SLX4IP: variants seen among roughly 807,000 people sequenced by gnomAD.
SLX4IP encodes the protein SLX4 interacting protein.
A neutral mutation model predicts 32.9 loss-of-function variants in SLX4IP; 34 were observed. That is an observed-to-expected ratio of 1.03 (90% CI 0.79 to 1.38). The LOEUF (loss-of-function observed/expected upper bound fraction) is 1.38, where lower values mean the gene tolerates loss of function less well. Ranked by LOEUF, SLX4IP falls within the 40% of genes most tolerant of loss-of-function variation. The pLI is 0.00. For missense variants in SLX4IP, 444 were observed against 479.0 expected (o/e 0.93, Z 0.68); for synonymous variants, 172 against 171.7 (o/e 1.00, Z -0.01).
intron 6 of SLX4IP, among the ~76,000 whole-genome samples, chr20:10,616,906 C>T (rs1409956059): frequency 2.6e-5 from 4 of 152,196 alleles, no homozygotes; most frequent in Non-Finnish European, 5.9e-5. Context: ...CCTCAAGGGC[C>T]TCAAGCATTG....
intron 1 of SLX4IP, among the ~76,000 whole-genome samples, chr20:10,453,307 C>CGTGTGT (rs1555805264): frequency 7.0e-5 from 10 of 142,886 alleles, no homozygotes; most frequent in African/African-American, 2.4e-4. Context: ...AAAACTCATC[C>CGTGTGT]GTGTGTGTGT....
At chr20:10,527,299 T>C (rs1465034815) in intron 2 of SLX4IP, among the ~76,000 whole-genome samples, 1 of 152,072 alleles carries the variant, frequency 6.6e-6, no homozygotes, top group Non-Finnish European at 1.5e-5. Context: ...GCCATAGAAA[T>C]AAGGAGTTAA....
intron 1 of SLX4IP, among the ~76,000 whole-genome samples, chr20:10,442,873 A>G (rs1212524810): frequency 6.6e-6 from 1 of 152,236 alleles, no homozygotes; most frequent in East Asian, 1.9e-4. Context: ...TTAAAACTTA[A>G]TTAAGATAGA....
intron 6 of SLX4IP, among the ~76,000 whole-genome samples, chr20:10,608,021 A>T (rs1464547058): frequency 6.6e-6 from 1 of 152,240 alleles, no homozygotes; most frequent in East Asian, 1.9e-4. Flanking sequence ...GGATCATTAG[A>T]TAGGATAAGT....
chr20:10,550,520 A>T (rs529025461), intron 2 of SLX4IP, among the ~76,000 whole-genome samples: 9 of 151,274 alleles, frequency 5.9e-5, no homozygotes, highest in African/African-American at 2.2e-4. Flanking sequence ...ACCTTGCTTG[A>T]TCTCTTATTT....
At chr20:10,607,175 G>A (rs1174119849) in intron 6 of SLX4IP, among the ~76,000 whole-genome samples, 2 of 152,194 alleles carry the variant, frequency 1.3e-5, no homozygotes, top group African/African-American at 4.8e-5. Flanking sequence ...CAGCCGAGCT[G>A]TGTCTGCCTC....
intron 2 of SLX4IP, among the ~76,000 whole-genome samples, chr20:10,465,865 T>C (rs77493207): frequency 0.015 from 2,223 of 152,332 alleles, 48 homozygotes; most frequent in African/African-American, 0.049. Flanking sequence ...AAATGTTCAG[T>C]AGGCACCACT....
At chr20:10,477,398 C>A (rs2065484850) in intron 2 of SLX4IP, among the ~76,000 whole-genome samples, 1 of 152,098 alleles carries the variant, frequency 6.6e-6, no homozygotes, top group South Asian at 2.1e-4. Flanking sequence ...CTCACGTTGG[C>A]CTCCCAAAGT....
chr20:10,495,436 A>G (rs2065658710), intron 2 of SLX4IP, among the ~76,000 whole-genome samples: 1 of 152,178 alleles, frequency 6.6e-6, no homozygotes, highest in Non-Finnish European at 1.5e-5. Context: ...GGGGTTTTGT[A>G]AATGTTTAAA....
chr20:10,513,229 C>A (rs1382747752), intron 2 of SLX4IP, among the ~76,000 whole-genome samples: 1 of 151,956 alleles, frequency 6.6e-6, no homozygotes, highest in Non-Finnish European at 1.5e-5. Flanking sequence ...AGCTGCTAAC[C>A]CCAGGAGTTA....
At chr20:10,531,466 T>C (rs567080783) in intron 2 of SLX4IP, among the ~76,000 whole-genome samples, 3 of 152,224 alleles carry the variant, frequency 2.0e-5, no homozygotes, top group Non-Finnish European at 4.4e-5. Context: ...TGTTTCTCTT[T>C]GCTGTTTTTA....
chr20:10,544,511 G>T (rs965477205), intron 2 of SLX4IP, among the ~76,000 whole-genome samples: 17 of 152,214 alleles, frequency 1.1e-4, no homozygotes, highest in African/African-American at 4.1e-4. Flanking sequence ...TCAGCCTCCT[G>T]AGTAGCTGGG....
chr20:10,560,207 A>G (rs2066316334), intron 3 of SLX4IP, among the ~76,000 whole-genome samples: 1 of 152,172 alleles, frequency 6.6e-6, no homozygotes, highest in African/African-American at 2.4e-5. Context: ...ATGCCGTTGC[A>G]CCAGCAGTGG....
chr20:10,473,350 C>T (rs1447283904), intron 2 of SLX4IP, among the ~76,000 whole-genome samples: 1 of 152,174 alleles, frequency 6.6e-6, no homozygotes, highest in Admixed American at 6.5e-5. Flanking sequence ...TTCCCTGGAC[C>T]AGCAGCATTA....
chr20:10,439,832 T>A (rs1238946361), intron 1 of SLX4IP, among the ~76,000 whole-genome samples: 1 of 152,210 alleles, frequency 6.6e-6, no homozygotes, highest in Non-Finnish European at 1.5e-5. Context: ...AAAGTAGAGA[T>A]CTATAAAGCC....
intron 2 of SLX4IP, among the ~76,000 whole-genome samples, chr20:10,464,015 A>G (rs570033944): frequency 1.1e-4 from 16 of 152,322 alleles, no homozygotes; most frequent in Admixed American, 9.8e-4. Context: ...TTTTCCACAT[A>G]AAGTATATAA....
At chr20:10,459,408 T>C (rs1192500744) in intron 2 of SLX4IP, among the ~76,000 whole-genome samples, 1 of 152,192 alleles carries the variant, frequency 6.6e-6, no homozygotes, top group Non-Finnish European at 1.5e-5. Flanking sequence ...TGCAATTGCT[T>C]TTGGTGTTTT....
intron 2 of SLX4IP, among the ~76,000 whole-genome samples, chr20:10,530,490 C>T (rs549363311): frequency 7.2e-5 from 11 of 152,200 alleles, no homozygotes; most frequent in African/African-American, 2.4e-4. Context: ...AACGATGTCC[C>T]GATTTGTTAG....
chr20:10,445,452 A>G (rs1021844394), intron 1 of SLX4IP, among the ~76,000 whole-genome samples: 3 of 149,698 alleles, frequency 2.0e-5, no homozygotes, highest in African/African-American at 7.4e-5. Context: ...AGTAGCTGGG[A>G]TTACAGGTGT....
Sources: gnomAD v4.1 joint callset for allele counts (sites outside exome capture counted in the v4.1 genomes callset) on GRCh38, gnomAD v4.1.1 for gene constraint, MANE v1.5 for transcripts, NCBI Gene and HGNC (gene_info 2026-07-23, HGNC 2026-07-21) for gene names.